GPC6: variants seen among roughly 807,000 people sequenced by gnomAD.
GPC6 encodes glypican 6, also known as glypican-6.
GPC6 carries 14 observed loss-of-function variants against 55.2 expected under a neutral mutation model. The ratio of observed to expected loss-of-function variants is 0.25; its 90% CI spans 0.17 to 0.40. GPC6 has a LOEUF of 0.40. Ranked by LOEUF, GPC6 falls within the 10% of genes least tolerant of loss-of-function variation. The pLI is 1.00. For synonymous variants in GPC6, 278 were observed against 259.6 expected (o/e 1.07, Z -0.68); for missense variants, 641 against 708.5 (o/e 0.90, Z 1.08).
chr13:93,789,585 A>G (rs1885941014), intron 2 of GPC6, among the ~76,000 whole-genome samples: 1 of 131,122 alleles, frequency 7.6e-6, no homozygotes, highest in South Asian at 2.4e-4. Context: ...AATACTATAT[A>G]TATATAATAC....
Position 94,155,551 on chromosome 13 carries a change from C to G in GPC6, c.877+127657C>G, listed in dbSNP as rs529759575. ...TTTATCAAATGTAGATCCCCAAGCC[C>G]AAAACATTTAATTCAGTGCAGGGTG... On this transcript the variant is annotated intron_variant, in intron 4 of 8. Coordinates refer to ENST00000377047, the MANE Select transcript of GPC6 (RefSeq NM_005708.5). Among the ~76,000 whole-genome samples the G allele has an allele frequency of 5.9e-5, 9 of 152,186 alleles. No homozygotes were observed. In the East Asian group the frequency reaches 1.7e-3, roughly 29 times the overall value.
intron 1 of GPC6, among the ~76,000 whole-genome samples, chr13:93,332,596 ATATTCT>A (rs1879892678): frequency 6.6e-6 from 1 of 152,032 alleles, no homozygotes; most frequent in African/African-American, 2.4e-5. Context: ...GATTCCATAT[ATATTCT>A]TGTTATTAAT....
At chr13:94,340,943 C>T (rs541698815) in intron 6 of GPC6, among the ~76,000 whole-genome samples, 43 of 152,314 alleles carry the variant, frequency 2.8e-4, no homozygotes, top group African/African-American at 7.5e-4. Flanking sequence ...TCTCTGGCCT[C>T]ATTACTGAGA....
chr13:93,702,523 A>G (rs922100439), intron 2 of GPC6, among the ~76,000 whole-genome samples: 2 of 152,018 alleles, frequency 1.3e-5, no homozygotes, highest in African/African-American at 4.8e-5. Flanking sequence ...CATCCTGTCT[A>G]TTGAATCTTT....
chr13:93,659,192 G>T (rs1348345328), intron 2 of GPC6, among the ~76,000 whole-genome samples: 2 of 151,750 alleles, frequency 1.3e-5, no homozygotes, highest in Non-Finnish European at 3.0e-5. Context: ...TTTAATATCT[G>T]TAGGGTCTGT....
intron 6 of GPC6, among the ~76,000 whole-genome samples, chr13:94,369,325 T>C (rs1879425490): frequency 1.3e-5 from 2 of 152,186 alleles, no homozygotes. Flanking sequence ...CTTCTCACAG[T>C]GACTACTCAG....
chr13:94,148,505 AT>A (rs1260119456), intron 4 of GPC6, among the ~76,000 whole-genome samples: 2 of 152,112 alleles, frequency 1.3e-5, no homozygotes, highest in African/African-American at 4.8e-5. Context: ...TTCAATGGAA[AT>A]ATAAGATATT....
intron 2 of GPC6, among the ~76,000 whole-genome samples, chr13:93,635,005 C>T (rs1394944578): frequency 3.9e-5 from 6 of 152,078 alleles, no homozygotes; most frequent in Admixed American, 3.9e-4. Flanking sequence ...CTTAGATCAC[C>T]ACTAACTCAG....
chr13:93,460,514 T>C (rs1435165873), intron 1 of GPC6, among the ~76,000 whole-genome samples: 2 of 152,216 alleles, frequency 1.3e-5, no homozygotes, highest in African/African-American at 4.8e-5. Context: ...TGATGACGAT[T>C]ATTTAAAAAT....
intron 2 of GPC6, among the ~76,000 whole-genome samples, chr13:93,607,864 C>G (rs746161890): frequency 6.6e-6 from 1 of 152,128 alleles, no homozygotes; most frequent in Non-Finnish European, 1.5e-5. Flanking sequence ...CCACTGTCAC[C>G]TCCCTGCAAC....
At chr13:94,208,704 C>T (rs1400721529) in intron 4 of GPC6, among the ~76,000 whole-genome samples, 2 of 135,954 alleles carry the variant, frequency 1.5e-5, no homozygotes, top group Non-Finnish European at 3.1e-5. Flanking sequence ...GCAGGAGGAT[C>T]ACTTGAGTTT....
intron 4 of GPC6, among the ~76,000 whole-genome samples, chr13:94,118,046 C>T (rs924657593): frequency 4.6e-5 from 7 of 151,896 alleles, no homozygotes; most frequent in African/African-American, 1.7e-4. Flanking sequence ...TGTAAAATTG[C>T]CTATTATTAG....
intron 1 of GPC6, among the ~76,000 whole-genome samples, chr13:93,335,409 C>T (rs1033105837): frequency 4.6e-5 from 7 of 152,106 alleles, no homozygotes; most frequent in Admixed American, 3.3e-4. Context: ...TCAAGGCAAA[C>T]GTGTTACCAT....
chr13:94,291,026 T>C (rs1288363527), intron 5 of GPC6, among the ~76,000 whole-genome samples: 3 of 152,128 alleles, frequency 2.0e-5, no homozygotes, highest in Non-Finnish European at 2.9e-5. Flanking sequence ...ACCCCGTCTC[T>C]ACTAAAACTA....
chr13:93,757,167 G>T (rs1884800291), intron 2 of GPC6, among the ~76,000 whole-genome samples: 1 of 152,070 alleles, frequency 6.6e-6, no homozygotes, highest in Non-Finnish European at 1.5e-5. Flanking sequence ...CCTCTGTTTT[G>T]TTCCTAAGTC....
At chr13:94,214,947 T>C (rs1890183434) in intron 4 of GPC6, among the ~76,000 whole-genome samples, 1 of 152,186 alleles carries the variant, frequency 6.6e-6, no homozygotes, top group Non-Finnish European at 1.5e-5. Context: ...AAGGAGGAAG[T>C]CTATTCTGAA....
chr13:94,359,975 A>T (rs1878981059), intron 6 of GPC6, among the ~76,000 whole-genome samples: 1 of 152,192 alleles, frequency 6.6e-6, no homozygotes, highest in Admixed American at 6.5e-5. Flanking sequence ...TTCATTTCAT[A>T]AGAGAAATAG....
At chr13:94,245,334 G>A (rs1891165103) in intron 4 of GPC6, among the ~76,000 whole-genome samples, 1 of 151,788 alleles carries the variant, frequency 6.6e-6, no homozygotes, top group Non-Finnish European at 1.5e-5. Context: ...TGAGGCGGGA[G>A]AATTTCATGA....
intron 4 of GPC6, among the ~76,000 whole-genome samples, chr13:94,285,096 T>G (rs1195919119): frequency 6.6e-6 from 1 of 152,194 alleles, no homozygotes; most frequent in Non-Finnish European, 1.5e-5. Context: ...TGACTGGTGA[T>G]CTACATTAAA....
Sources: allele counts gnomAD v4.1 joint callset (sites outside exome capture counted in the v4.1 genomes callset), GRCh38; gene constraint gnomAD v4.1.1; transcripts MANE v1.5; gene names NCBI Gene and HGNC (gene_info 2026-07-23, HGNC 2026-07-21).